FOXP2: variants seen among roughly 807,000 people sequenced by gnomAD.
FOXP2 encodes forkhead box P2.
Under a neutral mutation model 115.8 loss-of-function variants are expected in FOXP2, and 12 were observed. That is an observed-to-expected ratio of 0.10 (90% confidence interval 0.07 to 0.17). The LOEUF is 0.17. Ranked by LOEUF, FOXP2 falls within the 10% of genes least tolerant of loss-of-function variation. The pLI is 1.00. For synonymous variants in FOXP2, 328 were observed against 297.7 expected (o/e 1.10, Z -1.05); for missense variants, 629 against 843.5 (o/e 0.75, Z 3.15).
At position 114,600,916 on chromosome 7, in the gene FOXP2, T is replaced by C. The variant is rs531670840; in HGVS notation, c.259-27624T>C. 1.5e-3 allele frequency among the ~76,000 whole-genome samples: 234 copies of C among 152,204 alleles called. 1 individual carries two copies. Among genetic ancestry groups the C allele is most frequent in the Non-Finnish European group, 2.8e-3 (188 of 67,978 alleles). ...TATAAGTCTTTATCAGATATGTGTT[T>C]TGAAAATGTTTTCTCCCAGTCTTGG... On this transcript the variant is annotated intron_variant, in intron 3 of 16. Coordinates refer to ENST00000350908, the MANE Select transcript of FOXP2 (RefSeq NM_014491.4).
intron 1 of FOXP2, among the ~76,000 whole-genome samples, chr7:114,285,131 A>T (rs1041706762): frequency 3.3e-5 from 5 of 152,152 alleles, no homozygotes; most frequent in African/African-American, 1.2e-4. Context: ...TCCCTGTGGC[A>T]TGAAATTACC....
At position 114,176,324 on chromosome 7, in the gene FOXP2, CTTTTTCTTTCTT is replaced by C. The variant is rs1383708148; in HGVS notation, c.-102+13238_-102+13249del. ...TCTCTCTCTCTCTCTCTCTCTCTTT[CTTTTTCTTTCTT>C]TCTCTCTCTCTCTCTCTTTCTTGAC... On this transcript the variant is annotated intron_variant, in intron 1 of 17. Transcript: ENST00000634411. Among the ~76,000 whole-genome samples the C allele has an allele frequency of 5.8e-5, 7 of 119,752 alleles. 1 individual carries two copies. Among genetic ancestry groups the C allele is most frequent in the African/African-American group, 2.5e-4 (7 of 27,882 alleles). The allele number at this position is 119,752 out of a possible 152,430, so 78.6% of individuals were successfully genotyped here. A position where few individuals can be genotyped will look rare whatever the true frequency, so the allele number is the denominator to read the frequency against.
rs1808686141 is a variant in FOXP2 at position 114,691,926 on chromosome 7, C to T, written c.*2000C>T. 3 of 395,930 alleles carry T rather than the reference C, an allele frequency of 7.6e-6. No individual in the cohort carries two copies. The highest frequency in any genetic ancestry group is 2.4e-5 in the African/African-American group (1 of 42,386). The allele number at this position is 395,930 out of a possible 1,614,324, so 24.5% of individuals were successfully genotyped here. A position where few individuals can be genotyped will look rare whatever the true frequency, so the allele number is the denominator to read the frequency against. On this transcript the variant is annotated 3_prime_UTR_variant, in exon 17 of 17. Transcript: ENST00000350908. ...AAAGGCTTTCTGAAAGCTTCTACCT[C>T]TGCAAAAAAAAAAAAAGAAAAAAAA...
chr7:114,521,555 G>C (rs1442082060), intron 2 of FOXP2, among the ~76,000 whole-genome samples: 1 of 139,938 alleles, frequency 7.1e-6, no homozygotes, highest in Non-Finnish European at 1.5e-5. Context: ...AAAAAAAAAG[G>C]GTAGGGGTGC....
intron 3 of FOXP2, among the ~76,000 whole-genome samples, chr7:114,627,660 T>C (rs896339436): frequency 3.9e-5 from 6 of 152,150 alleles, no homozygotes; most frequent in African/African-American, 1.4e-4. Flanking sequence ...TTTATATCTT[T>C]TTCTCCTTCC....
rs1796782572 is a variant in FOXP2 at position 114,486,507 on chromosome 7, CA to C, written c.169-48106del. On this transcript the variant is annotated intron_variant, in intron 2 of 16. Coordinates refer to ENST00000350908, the MANE Select transcript of FOXP2 (RefSeq NM_014491.4). ...TCCCAAATCTCATGTCCTCACATTT[CA>C]AAACCAGTCATCCCTTCCCAACTGT... is the stretch of plus-strand genomic sequence containing the variant. Among the ~76,000 whole-genome samples the C allele has an allele frequency of 2.6e-5, 4 of 152,128 alleles. No homozygotes were observed. The South Asian group carries it at 8.3e-4, about 32-fold the overall frequency.
At chr7:114,664,554 G>C in intron 16 of FOXP2, 118 bp downstream of exon 16, 1 of 1,205,106 alleles carries the variant, frequency 8.3e-7, no homozygotes, top group Non-Finnish European at 1.2e-6. Flanking sequence ...TTTAAGTGGA[G>C]TTAAATTATA....
At chr7:114,317,237 T>C (rs1023854622) in intron 2 of FOXP2, among the ~76,000 whole-genome samples, 3 of 152,180 alleles carry the variant, frequency 2.0e-5, no homozygotes, top group Non-Finnish European at 4.4e-5. Context: ...GTATCACCTG[T>C]TGAGAGACAG....
intron 2 of FOXP2, among the ~76,000 whole-genome samples, chr7:114,474,719 A>C (rs868168900): frequency 3.3e-5 from 5 of 152,144 alleles, no homozygotes; most frequent in African/African-American, 9.7e-5. Flanking sequence ...TTAAATTTTC[A>C]GGTAGTTTTC....
intron 1 of FOXP2, among the ~76,000 whole-genome samples, chr7:114,111,364 C>G (rs1791263519): frequency 6.6e-6 from 1 of 152,050 alleles, no homozygotes; most frequent in South Asian, 2.1e-4. Context: ...ACCACAAGGG[C>G]CCAGGTGAGC....
chr7:114,136,349 G>C (rs190644165), intron 1 of FOXP2, among the ~76,000 whole-genome samples: 265 of 152,050 alleles, frequency 1.7e-3, no homozygotes, highest in African/African-American at 6.1e-3. Flanking sequence ...GGATATGCCA[G>C]CTTCAATTAA....
intron 1 of FOXP2, among the ~76,000 whole-genome samples, chr7:114,194,321 T>A (rs886639450): frequency 1.3e-5 from 2 of 152,068 alleles, no homozygotes; most frequent in African/African-American, 4.8e-5. Context: ...TTTCTTCTTT[T>A]ATCTTTTCTC....
chr7:114,353,776 C>T (rs907332114), intron 2 of FOXP2, among the ~76,000 whole-genome samples: 2 of 152,052 alleles, frequency 1.3e-5, no homozygotes, highest in Non-Finnish European at 2.9e-5. Flanking sequence ...TGTTCAATTA[C>T]GATACTGGTG....
intron 1 of FOXP2, among the ~76,000 whole-genome samples, chr7:114,143,382 G>A (rs1374868916): frequency 6.6e-6 from 1 of 151,846 alleles, no homozygotes; most frequent in East Asian, 1.9e-4. Context: ...ATTTGCCCTT[G>A]CTCCTAAAAA....
chr7:114,151,626 T>G (rs1322340792), intron 1 of FOXP2, among the ~76,000 whole-genome samples: 2 of 152,116 alleles, frequency 1.3e-5, no homozygotes, highest in African/African-American at 4.8e-5. Context: ...ATTCAGACAT[T>G]ATTTGAACTT....
chr7:114,299,882 T>C (rs1796835762), intron 2 of FOXP2, among the ~76,000 whole-genome samples: 1 of 152,072 alleles, frequency 6.6e-6, no homozygotes, highest in Admixed American at 6.6e-5. Flanking sequence ...TTTCTTTGTC[T>C]TTTGTCTTCT....
intron 2 of FOXP2, among the ~76,000 whole-genome samples, chr7:114,503,846 A>G (rs1012314092): frequency 1.7e-4 from 25 of 151,224 alleles, no homozygotes; most frequent in Non-Finnish European, 3.3e-4. Flanking sequence ...TTCTCTGTTT[A>G]GTAGCCTAAT....
intron 3 of FOXP2, among the ~76,000 whole-genome samples, chr7:114,547,302 ATTGT>A (rs770430243): frequency 6.6e-6 from 1 of 152,116 alleles, no homozygotes; most frequent in Non-Finnish European, 1.5e-5. Flanking sequence ...TTATACACAC[ATTGT>A]TTGCTTACAA....
chr7:114,449,197 A>G (rs1794964656), intron 2 of FOXP2, among the ~76,000 whole-genome samples: 1 of 152,090 alleles, frequency 6.6e-6, no homozygotes, highest in Admixed American at 6.6e-5. Flanking sequence ...AATATATTTT[A>G]GGAATTTAAA....
Sources: gnomAD v4.1 joint callset for allele counts (sites outside exome capture counted in the v4.1 genomes callset) on GRCh38, gnomAD v4.1.1 for gene constraint, MANE v1.5 for transcripts, NCBI Gene and HGNC (gene_info 2026-07-23, HGNC 2026-07-21) for gene names.